The following HAO2 variants were observed in gnomAD, a reference collection of about 807,000 sequenced individuals.
The protein encoded by HAO2 is 2-Hydroxyacid oxidase 2.
HAO2 carries 42 observed loss-of-function variants against 37.4 expected under a neutral mutation model. The ratio of observed to expected loss-of-function variants is 1.12; its 90% CI spans 0.88 to 1.45. The LOEUF is 1.45. HAO2 is among the 40% of genes most tolerant of loss of function. The pLI is 0.00. For missense variants in HAO2, 476 were observed against 430.2 expected (o/e 1.11, Z -0.94); for synonymous variants, 180 against 162.8 (o/e 1.11, Z -0.81).
At chr1:119,370,559 G>A (rs1294992369) in intron 1 of HAO2, among the ~76,000 whole-genome samples, 15 of 152,170 alleles carry the variant, frequency 9.9e-5, no homozygotes, top group Admixed American at 9.8e-4. Context: ...CTATGGGATG[G>A]ATGTTAATAT....
At position 119,384,924 on chromosome 1, in the gene HAO2, G is replaced by A; in HGVS notation, c.432G>A (p.Arg144=). The A allele has an allele frequency of 6.2e-7, 1 of 1,613,982 alleles. No homozygotes were observed. Among genetic ancestry groups the A allele is most frequent in the Non-Finnish European group, 8.5e-7 (1 of 1,179,908 alleles). ...AGCTGAACAAACAGTTGATCCAGAG[G>A]GTAGAATCCCTAGGTTTCAAAGCTT... ...DLQLNKQLIQ[R]VESLGFKALV... is the part of the protein sequence containing the mutation. The change falls in exon 4 of 8, where the codon AGG becomes AGA. Residue 144 remains arginine (R), a synonymous_variant. Transcript: ENST00000325945.
intron 1 of HAO2, among the ~76,000 whole-genome samples, chr1:119,369,814 A>G (rs1269219339): frequency 2.0e-5 from 3 of 152,126 alleles, no homozygotes; most frequent in Admixed American, 6.5e-5. Context: ...CTATCAAATG[A>G]TGAGCTATGA....
chr1:119,381,460 C>A (rs191833012), intron 2 of HAO2, among the ~76,000 whole-genome samples: 1 of 152,166 alleles, frequency 6.6e-6, no homozygotes, highest in African/African-American at 2.4e-5. Flanking sequence ...ATCTCAGCAA[C>A]TTTGCAACCT....
intron 1 of HAO2, among the ~76,000 whole-genome samples, chr1:119,372,345 G>A (rs587713056): frequency 6.6e-6 from 1 of 152,316 alleles, no homozygotes; most frequent in Non-Finnish European, 1.5e-5. Context: ...GCCTTTGAGG[G>A]TATTTTCAAA....
chr1:119,380,656 G>C, intron 1 of HAO2: 2 of 1,535,696 alleles, frequency 1.3e-6, no homozygotes, highest in South Asian at 1.1e-5. Flanking sequence ...AGGCAGGCAT[G>C]ATCAGCCTTG....
chr1:119,391,035 T>G (rs976676989), intron 5 of HAO2, among the ~76,000 whole-genome samples: 7 of 152,204 alleles, frequency 4.6e-5, no homozygotes, highest in African/African-American at 1.4e-4. Flanking sequence ...TGCCTCTTAT[T>G]AGAATGTGAA....
chr1:119,376,829 C>T (rs1029748265), intron 1 of HAO2, among the ~76,000 whole-genome samples: 23 of 152,150 alleles, frequency 1.5e-4, no homozygotes, highest in Non-Finnish European at 3.2e-4. Flanking sequence ...GGCTGGAACA[C>T]AGGGCAACCA....
chr1:119,381,351 G>A (rs768794224), intron 2 of HAO2, 135 bp downstream of exon 2: 48 of 711,412 alleles, frequency 6.7e-5, no homozygotes, highest in Non-Finnish European at 1.0e-4. Flanking sequence ...TGATTTTGTT[G>A]TTGTTTTGGT....
At chr1:119,375,150 A>G (rs1227799201) in intron 1 of HAO2, among the ~76,000 whole-genome samples, 1 of 152,234 alleles carries the variant, frequency 6.6e-6, no homozygotes, top group South Asian at 2.1e-4. Context: ...AAGAAAAAAC[A>G]TTGAAATGGA....
In HAO2 at chr1:119,382,935, A is replaced by C. The variant is rs370962043; in HGVS notation, c.152A>C (p.Tyr51Ser). ...CACAGAATTCGCCTCCGTCCGCGGT[A>C]CCTGAGAGATGTGTCTGAGGTGGAC... Reference protein sequence around the residue: ...AFKRIRLRPRYLRDVSEVDTR... With the variant: ...AFKRIRLRPRSLRDVSEVDTR... The change falls in exon 3 of 8, where the codon TAC becomes TCC. Residue 51 changes from tyrosine (Y) to serine (S), a missense_variant. By Grantham distance (144) the Tyr-to-Ser change is moderately radical (BLOSUM62 -2). Coordinates refer to ENST00000325945, the MANE Select transcript of HAO2 (RefSeq NM_016527.4). 5.0e-6 allele frequency: 8 copies of C among 1,613,666 alleles called. No individual in the cohort carries two copies. Among genetic ancestry groups the C allele is most frequent in the Non-Finnish European group, 6.8e-6 (8 of 1,179,772 alleles).
intron 1 of HAO2, among the ~76,000 whole-genome samples, chr1:119,375,927 G>A (rs1313300845): frequency 6.6e-6 from 1 of 152,060 alleles, no homozygotes; most frequent in Non-Finnish European, 1.5e-5. Flanking sequence ...GGGATTATGG[G>A]AGCTAAAATT....
intron 7 of HAO2, among the ~76,000 whole-genome samples, chr1:119,392,947 C>T (rs182975139): frequency 7.9e-5 from 12 of 152,252 alleles, no homozygotes; most frequent in East Asian, 1.9e-4. Context: ...GTTCAATTTA[C>T]GGACTATTGA....
Position 119,381,214 on chromosome 1 carries a change from A to G in HAO2, c.129A>G (p.Lys43=). 1 of 1,609,206 alleles carries G rather than the reference A, an allele frequency of 6.2e-7. No individual in the cohort carries two copies. The highest frequency in any genetic ancestry group is 8.5e-7 in the Non-Finnish European group (1 of 1,175,552). Residue 43 remains lysine (K), a splice_region_variant and synonymous_variant, in exon 2 of 8, where the codon AAA becomes AAG. Coordinates refer to ENST00000325945, the MANE Select transcript of HAO2 (RefSeq NM_016527.4). ...ITRDDNIAAF[K]RIRLRPRYLR... ...GGGATGACAACATTGCAGCATTTAA[A>G]AGGTGTGGTCTTCTGTAGCCTGTCT... is the stretch of plus-strand genomic sequence containing the variant.
chr1:119,383,165 C>A (rs1255497861), intron 3 of HAO2, 99 bp downstream of exon 3: 6 of 794,282 alleles, frequency 7.6e-6, no homozygotes. Flanking sequence ...GCCTTAGGAA[C>A]ATAATCTGGT....
chr1:119,382,172 T>C (rs1470866172), intron 2 of HAO2, among the ~76,000 whole-genome samples: 2 of 152,182 alleles, frequency 1.3e-5, no homozygotes, highest in East Asian at 3.9e-4. Flanking sequence ...TATTAGGAAA[T>C]TTGGATTATT....
chr1:119,384,700 A>G, intron 3 of HAO2, 76 bp from the exon 4 acceptor site: 1 of 1,213,294 alleles, frequency 8.2e-7, no homozygotes, highest in Admixed American at 2.0e-5. Context: ...GCCAGAGGCT[A>G]CACAGACTCC....
chr1:119,371,152 C>A (rs1648967895), intron 1 of HAO2, among the ~76,000 whole-genome samples: 2 of 152,160 alleles, frequency 1.3e-5, no homozygotes, highest in Non-Finnish European at 2.9e-5. Context: ...AATGTCTCCC[C>A]CATACCAGTA....
intron 2 of HAO2, among the ~76,000 whole-genome samples, chr1:119,382,571 T>C (rs914744978): frequency 6.6e-6 from 1 of 152,214 alleles, no homozygotes; most frequent in African/African-American, 2.4e-5. Flanking sequence ...CTTGTTATGA[T>C]GAACCAAACC....
intron 5 of HAO2, 109 bp downstream of exon 5, chr1:119,386,940 TG>T: frequency 2.8e-6 from 2 of 712,878 alleles, no homozygotes; most frequent in East Asian, 5.0e-5. Context: ...TTCACTCCTC[TG>T]TACCACATGT....
Sources: allele counts gnomAD v4.1 joint callset (sites outside exome capture counted in the v4.1 genomes callset), GRCh38; gene constraint gnomAD v4.1.1; transcripts MANE v1.5; gene names NCBI Gene and HGNC (gene_info 2026-07-23, HGNC 2026-07-21).